Variants in DSCAM observed in about 807,000 individuals in gnomAD.
DSCAM encodes cell adhesion molecule DSCAM.
Under a neutral mutation model 217.7 loss-of-function variants are expected in DSCAM, and 47 were observed. The ratio of observed to expected loss-of-function variants is 0.22; its 90% CI spans 0.17 to 0.28. The LOEUF (loss-of-function observed/expected upper bound fraction) is 0.28. Ranked by LOEUF, DSCAM falls within the 10% of genes least tolerant of loss-of-function variation. DSCAM has a pLI of 1.00. For synonymous variants in DSCAM, 1,056 were observed against 1,015.3 expected, an observed-to-expected ratio of 1.04 and a Z score of -0.76; for missense variants, 2,080 against 2,618.3, an observed-to-expected ratio of 0.79 and a Z score of 4.49.
intron 27 of DSCAM, among the ~76,000 whole-genome samples, chr21:40,064,204 T>C (rs141976554): frequency 6.6e-6 from 1 of 151,952 alleles, no homozygotes; most frequent in East Asian, 1.9e-4. Flanking sequence ...CACATACATA[T>C]AATGCCAGAA....
rs539175603 is a variant in DSCAM at position 40,530,007 on chromosome 21, C to T, written c.509-160762G>A. Among the ~76,000 whole-genome samples the T allele has an allele frequency of 2.0e-5, 3 of 152,266 alleles. No homozygotes were observed. The East Asian group carries it at 5.8e-4, about 29-fold the overall frequency. ...ATATATTGCTTTAACTCTAAGGGTG[C>T]TGTTTATTTCAAGAGATGCCTTAAC... On this transcript the variant is annotated intron_variant, in intron 3 of 32. Transcript: ENST00000400454.
intron 16 of DSCAM, among the ~76,000 whole-genome samples, chr21:40,147,261 C>G (rs1225313467): frequency 6.6e-6 from 1 of 152,140 alleles, no homozygotes; most frequent in Non-Finnish European, 1.5e-5. Flanking sequence ...TAGCTAAATC[C>G]TCCACAAGAA....
At chr21:40,098,749 A>G (rs2089714152) in intron 20 of DSCAM, among the ~76,000 whole-genome samples, 1 of 152,182 alleles carries the variant, frequency 6.6e-6, no homozygotes, top group Non-Finnish European at 1.5e-5. Flanking sequence ...TTATTGTCAA[A>G]ACTTTAATTT....
At chr21:40,287,541 G>A (rs953687391) in intron 10 of DSCAM, among the ~76,000 whole-genome samples, 2 of 152,198 alleles carry the variant, frequency 1.3e-5, no homozygotes, top group African/African-American at 2.4e-5. Context: ...CACCTGAGCA[G>A]TTTGGCCAGT....
intron 3 of DSCAM, among the ~76,000 whole-genome samples, chr21:40,674,620 CTTTTTCT>C (rs1185016095): frequency 5.0e-5 from 5 of 100,574 alleles, no homozygotes; most frequent in Non-Finnish European, 8.0e-5. Flanking sequence ...TTTTCTTTTT[CTTTTTCT>C]TTTTCTTTTT....
At chr21:40,646,736 G>A (rs955969259) in intron 3 of DSCAM, among the ~76,000 whole-genome samples, 1 of 152,206 alleles carries the variant, frequency 6.6e-6, no homozygotes, top group African/African-American at 2.4e-5. Context: ...CAGTGAGGCT[G>A]ACTGGCCTTG....
intron 1 of DSCAM, among the ~76,000 whole-genome samples, chr21:40,738,002 G>C (rs2091081935): frequency 6.6e-6 from 1 of 152,192 alleles, no homozygotes; most frequent in Non-Finnish European, 1.5e-5. Flanking sequence ...TCAGGGGAGT[G>C]ATAGCCTTCA....
At chr21:40,375,010 C>T (rs2074935824) in intron 3 of DSCAM, among the ~76,000 whole-genome samples, 1 of 152,222 alleles carries the variant, frequency 6.6e-6, no homozygotes, top group South Asian at 2.1e-4. Context: ...AACTCAGGGA[C>T]TTTCCCCAAA....
At chr21:40,326,070 A>G (rs1186316362) in intron 8 of DSCAM, among the ~76,000 whole-genome samples, 1 of 152,246 alleles carries the variant, frequency 6.6e-6, no homozygotes, top group Non-Finnish European at 1.5e-5. Context: ...TTAATTTAAA[A>G]TAAATATATT....
intron 3 of DSCAM, among the ~76,000 whole-genome samples, chr21:40,631,156 T>C (rs998616269): frequency 1.3e-5 from 2 of 152,216 alleles, no homozygotes; most frequent in Non-Finnish European, 1.5e-5. Context: ...TATTATCTTA[T>C]ACGTGGCCTC....
At chr21:40,605,346 T>A (rs549016190) in intron 3 of DSCAM, among the ~76,000 whole-genome samples, 11 of 152,290 alleles carry the variant, frequency 7.2e-5, no homozygotes, top group Middle Eastern at 3.4e-3. Flanking sequence ...CTCTGATGAA[T>A]CCAGAAAAGT....
chr21:40,452,018 G>A (rs938792502), intron 3 of DSCAM, among the ~76,000 whole-genome samples: 1 of 151,744 alleles, frequency 6.6e-6, no homozygotes, highest in Non-Finnish European at 1.5e-5. Flanking sequence ...TACCTCCCTG[G>A]GACTATGAAG....
intron 3 of DSCAM, among the ~76,000 whole-genome samples, chr21:40,380,359 A>C (rs1044556191): frequency 1.3e-5 from 2 of 152,266 alleles, no homozygotes; most frequent in African/African-American, 4.8e-5. Context: ...ATTTTTTATT[A>C]AAGAACCAAA....
At chr21:40,413,923 G>T (rs2075346628) in intron 3 of DSCAM, among the ~76,000 whole-genome samples, 2 of 152,160 alleles carry the variant, frequency 1.3e-5, no homozygotes, top group Non-Finnish European at 2.9e-5. Context: ...TAAGAAATCT[G>T]TATGGCCAAA....
At chr21:40,150,326 T>G (rs1484600063) in intron 16 of DSCAM, among the ~76,000 whole-genome samples, 3 of 152,236 alleles carry the variant, frequency 2.0e-5, no homozygotes, top group Non-Finnish European at 4.4e-5. Flanking sequence ...GAAAATTTAA[T>G]AGATCACATG....
chr21:40,039,425 A>T (rs1233175492), intron 32 of DSCAM, among the ~76,000 whole-genome samples: 1 of 152,138 alleles, frequency 6.6e-6, no homozygotes, highest in Non-Finnish European at 1.5e-5. Flanking sequence ...GAAATATTTT[A>T]ACCAATTTAA....
At chr21:40,701,900 CTGT>C (rs2090660576) in intron 2 of DSCAM, among the ~76,000 whole-genome samples, 1 of 151,958 alleles carries the variant, frequency 6.6e-6, no homozygotes. Flanking sequence ...TTATATTGTG[CTGT>C]TGTTGGATAG....
chr21:40,337,972 A>G, intron 8 of DSCAM, 129 bp downstream of exon 8: 1 of 1,185,362 alleles, frequency 8.4e-7, no homozygotes, highest in Non-Finnish European at 1.2e-6. Context: ...GTTCCCTGTC[A>G]TTCTTCAGCC....
intron 1 of DSCAM, among the ~76,000 whole-genome samples, chr21:40,806,603 A>C (rs765735244): frequency 6.6e-6 from 1 of 152,208 alleles, no homozygotes; most frequent in Non-Finnish European, 1.5e-5. Context: ...AATATGTACA[A>C]ATACATTCAA....
Sources: gnomAD v4.1 joint callset for allele counts (sites outside exome capture counted in the v4.1 genomes callset) on GRCh38, gnomAD v4.1.1 for gene constraint, MANE v1.5 for transcripts, NCBI Gene and HGNC (gene_info 2026-07-23, HGNC 2026-07-21) for gene names.